The following ME3 variants were observed in gnomAD, a reference collection of about 807,000 sequenced individuals.
ME3 encodes the protein malic enzyme 3, also known as NADP-dependent malic enzyme, mitochondrial.
In ME3, 48 loss-of-function variants were observed where a neutral mutation model predicts 68.9. The ratio of observed to expected loss-of-function variants is 0.70; its 90% CI spans 0.55 to 0.89. The LOEUF is 0.89. Among genes scored for constraint, ME3 ranks in the 40% least tolerant of loss-of-function variants. ME3 has a pLI of 0.00. For missense variants in ME3, 675 were observed against 797.4 expected (o/e 0.85, Z 1.85); for synonymous variants, 320 against 318.8 (o/e 1.00, Z -0.04).
chr11:86,660,299 G>C lies in ME3; in HGVS notation c.183+11463C>G, dbSNP rs145710694. On this transcript the variant is annotated intron_variant, in intron 2 of 14. Transcript: ENST00000543262. ...GGATGCTTTCAGGGGGCATGTACCA[G>C]ATGTAAACTCTATCACATCTGTGAC... 8.8e-3 allele frequency among the ~76,000 whole-genome samples: 1,334 copies of C among 152,320 alleles called. 25 individuals carry two copies. Among genetic ancestry groups the C allele is most frequent in the African/African-American group, 0.03 (1,247 of 41,558 alleles).
At chr11:86,510,217 C>A (rs1162853369) in intron 4 of ME3, among the ~76,000 whole-genome samples, 3 of 152,174 alleles carry the variant, frequency 2.0e-5, no homozygotes, top group Non-Finnish European at 4.4e-5. Context: ...CAAAACTGCT[C>A]TTGCAAAGGC....
intron 4 of ME3, among the ~76,000 whole-genome samples, chr11:86,510,842 C>T (rs636485): frequency 0.077 from 11,792 of 152,258 alleles, 582 homozygotes; most frequent in East Asian, 0.26. Context: ...TCAAACTTAG[C>T]ATGTACCAAA....
At chr11:86,617,045 G>GTTTTTTTTTTTTTTTTTTTTTTTTTTT (rs563738961) in intron 2 of ME3, among the ~76,000 whole-genome samples, 2 of 56,300 alleles carry the variant, frequency 3.6e-5, no homozygotes, top group Admixed American at 3.5e-4. Flanking sequence ...CAAGATAGTA[G>GTTTTTTTTTTTTTTTTTTTTTTTTTTT]TTTTTTTTTT....
At chr11:86,607,452 GTTTTT>G (rs146485846) in intron 2 of ME3, among the ~76,000 whole-genome samples, 2,943 of 133,516 alleles carry the variant, frequency 0.022, 88 homozygotes, top group African/African-American at 0.067. Flanking sequence ...GAGAGGCATA[GTTTTT>G]TTTTTTTTTT....
At chr11:86,664,547 C>G (rs1054500515) in intron 2 of ME3, among the ~76,000 whole-genome samples, 1 of 152,186 alleles carries the variant, frequency 6.6e-6, no homozygotes, top group East Asian at 1.9e-4. Context: ...TCCGGGCACC[C>G]CATTCCATAT....
intron 4 of ME3, among the ~76,000 whole-genome samples, chr11:86,525,478 C>G (rs572650993): frequency 6.4e-4 from 97 of 151,450 alleles, no homozygotes; most frequent in African/African-American, 2.3e-3. Context: ...TGAATTAATT[C>G]TCCTATCAAA....
At chr11:86,502,988 C>G (rs1185220206) in intron 5 of ME3, among the ~76,000 whole-genome samples, 1 of 152,082 alleles carries the variant, frequency 6.6e-6, no homozygotes, top group Non-Finnish European at 1.5e-5. Context: ...GTTTATACAA[C>G]CCTCTTCTTC....
chr11:86,533,968 C>T (rs1955457047), intron 4 of ME3, among the ~76,000 whole-genome samples: 1 of 151,920 alleles, frequency 6.6e-6, no homozygotes. Context: ...ACATGTACAT[C>T]ATGTTACTGT....
chr11:86,520,558 GCT>G (rs58854614), intron 4 of ME3, among the ~76,000 whole-genome samples: 109,961 of 151,754 alleles, frequency 0.72, 40,106 homozygotes, highest in South Asian at 0.81. Flanking sequence ...TTCACAGAGT[GCT>G]AGAGAGCTGC....
intron 3 of ME3, among the ~76,000 whole-genome samples, chr11:86,559,197 C>G (rs953055809): frequency 3.3e-5 from 5 of 152,162 alleles, no homozygotes; most frequent in Non-Finnish European, 7.3e-5. Context: ...CCCATAGCCT[C>G]CAACAAATGA....
At chr11:86,532,683 G>C (rs1040939744) in intron 4 of ME3, among the ~76,000 whole-genome samples, 3 of 152,152 alleles carry the variant, frequency 2.0e-5, no homozygotes, top group Non-Finnish European at 4.4e-5. Context: ...AATGAAACTG[G>C]AAACATAGCA....
intron 1 of ME3, 110 bp from the exon 2 acceptor site, chr11:86,672,068 G>C: frequency 2.2e-6 from 2 of 900,486 alleles, no homozygotes; most frequent in Non-Finnish European, 1.5e-6. Context: ...GGAGAGGGCA[G>C]GTGCTCCCAA....
At chr11:86,573,539 C>T (rs948055232) in intron 2 of ME3, among the ~76,000 whole-genome samples, 3 of 150,368 alleles carry the variant, frequency 2.0e-5, no homozygotes, top group South Asian at 2.1e-4. Context: ...GTCTGACAGA[C>T]GGGAGTTTTC....
At chr11:86,489,850 CTTTCTCACTCATCTA>C (rs1951894458) in intron 6 of ME3, among the ~76,000 whole-genome samples, 2 of 152,136 alleles carry the variant, frequency 1.3e-5, no homozygotes, top group Admixed American at 6.5e-5. Context: ...TCCCCAGTAC[CTTTCTCACTCATCTA>C]TTTCTCAAAG....
intron 8 of ME3, among the ~76,000 whole-genome samples, chr11:86,450,681 G>T (rs1949577653): frequency 6.6e-6 from 1 of 152,198 alleles, no homozygotes; most frequent in African/African-American, 2.4e-5. Flanking sequence ...TAAAGAAAAT[G>T]ACAAGGATAA....
rs672264 is a variant in ME3, at chr11:86,642,993, A to T, written c.183+28769T>A. On this transcript the variant is annotated intron_variant, in intron 2 of 14. Transcript: ENST00000543262. ...GATGGATAAATATAAGGTTTCTATT[A>T]GTTTTTTTTGACATGTTGACAATAG... 6.3e-3 allele frequency among the ~76,000 whole-genome samples: 894 copies of T among 141,028 alleles called. 2 individuals carry two copies. Among genetic ancestry groups the T allele is most frequent in the South Asian group, 0.011 (47 of 4,348 alleles). 92.5% of individuals were successfully genotyped at this position (141,028 alleles called of 152,430 possible).
chr11:86,520,077 T>C (rs616018), intron 4 of ME3, among the ~76,000 whole-genome samples: 40,500 of 152,086 alleles, frequency 0.27, 6,091 homozygotes, highest in African/African-American at 0.42. Context: ...TTGGAAAGCC[T>C]ATCCTGTTCG....
At position 86,552,307 on chromosome 11, in the gene ME3, T is replaced by C. The variant is rs149744926; in HGVS notation, c.467+4246A>G. ...GCTTCAAAGTCCGTGCTGCTTCTAC[T>C]ACCTACAACCCAGCCCTCTGACAAA... On this transcript the variant is annotated intron_variant, in intron 4 of 14. Transcript: ENST00000543262. Among the ~76,000 whole-genome samples the C allele has an allele frequency of 7.3e-3, 1,114 of 152,318 alleles. 7 individuals are homozygous for C. Among genetic ancestry groups the C allele is most frequent in the Middle Eastern group, 0.024 (7 of 294 alleles).
At chr11:86,530,524 A>G (rs956926579) in intron 4 of ME3, among the ~76,000 whole-genome samples, 14 of 152,348 alleles carry the variant, frequency 9.2e-5, no homozygotes, top group Admixed American at 5.9e-4. Context: ...GAACCAAAAA[A>G]TAGCCTGCAT....
Sources: gnomAD v4.1 joint callset for allele counts (sites outside exome capture counted in the v4.1 genomes callset) on GRCh38, gnomAD v4.1.1 for gene constraint, MANE v1.5 for transcripts, NCBI Gene and HGNC (gene_info 2026-07-23, HGNC 2026-07-21) for gene names.